Variants in CRCP observed in about 807,000 individuals in gnomAD.
CRCP encodes DNA-directed RNA polymerase III subunit RPC9.
In CRCP, 18 loss-of-function variants were observed where a neutral mutation model predicts 18.5. The ratio of observed to expected loss-of-function variants is 0.97; its 90% CI spans 0.67 to 1.44. CRCP has a LOEUF of 1.44. CRCP is among the 40% of genes most tolerant of loss of function. CRCP has a pLI of 0.00. For missense variants in CRCP, 130 were observed against 176.4 expected (o/e 0.74, Z 1.49); for synonymous variants, 53 against 62.9 (o/e 0.84, Z 0.75).
At chr7:66,131,412 G>A (rs1658251731) in intron 3 of CRCP, among the ~76,000 whole-genome samples, 2 of 152,140 alleles carry the variant, frequency 1.3e-5, no homozygotes, top group African/African-American at 4.8e-5. Context: ...ACAGCTCACT[G>A]CAGCCTCAAC....
Position 66,153,812 on chromosome 7 carries a change from G to A in CRCP, c.*1455G>A, listed in dbSNP as rs1218147976. 1 of 152,136 alleles carries A rather than the reference G, an allele frequency of 6.6e-6. No homozygotes were observed. The highest frequency in any genetic ancestry group is 1.5e-5 in the Non-Finnish European group (1 of 68,080). 9.4% of individuals were successfully genotyped at this position (152,136 alleles called of 1,614,324 possible). A position where few individuals can be genotyped will look rare whatever the true frequency, so the allele number is the denominator to read the frequency against. On this transcript the variant is annotated 3_prime_UTR_variant, in exon 6 of 6. Transcript: ENST00000395326. ...GTAGCGGCCCACACCTGTAATCCCA[G>A]CACTTTGGGAGGCGGAGGCTAGCGG...
intron 1 of CRCP, among the ~76,000 whole-genome samples, chr7:66,118,283 C>T (rs558216515): frequency 6.6e-6 from 1 of 152,264 alleles, no homozygotes; most frequent in East Asian, 1.9e-4. Flanking sequence ...GCCACCTGTT[C>T]TTGAAGGTTG....
At position 66,152,362 on chromosome 7, in the gene CRCP, G is replaced by A. The variant is rs749987614; in HGVS notation, c.*5G>A. ...GACGAAGAGGACCCAGCATAGAAGAGCACAGCTGGCCCCGGCGTTTCATGA... is the reference window on the plus strand; with the variant it reads ...GACGAAGAGGACCCAGCATAGAAGAACACAGCTGGCCCCGGCGTTTCATGA... On this transcript the variant is annotated 3_prime_UTR_variant, in exon 6 of 6. Transcript: ENST00000395326. 6.2e-7 allele frequency: 1 copy of A among 1,613,876 alleles called. No homozygotes were observed. The highest frequency in any genetic ancestry group is 1.1e-5 in the South Asian group (1 of 91,064).
At position 66,153,232 on chromosome 7, in the gene CRCP, G is replaced by A. The variant is rs777720510; in HGVS notation, c.*875G>A. The A allele has an allele frequency of 6.6e-6, 1 of 152,588 alleles. No homozygotes were observed. The highest frequency in any genetic ancestry group is 2.4e-5 in the African/African-American group (1 of 41,444). 9.5% of individuals were successfully genotyped at this position (152,588 alleles called of 1,614,324 possible). A position where few individuals can be genotyped will look rare whatever the true frequency, so the allele number is the denominator to read the frequency against. ...GCAGGCGGATCACCTGAGGTCAGGAGTTTGAGACCAGCCTCACCAACATGG... is the reference window on the plus strand; with the variant it reads ...GCAGGCGGATCACCTGAGGTCAGGAATTTGAGACCAGCCTCACCAACATGG... On this transcript the variant is annotated 3_prime_UTR_variant, in exon 6 of 6. Coordinates refer to ENST00000395326, the MANE Select transcript of CRCP (RefSeq NM_014478.5).
At chr7:66,128,501 G>A (rs540626308) in intron 2 of CRCP, among the ~76,000 whole-genome samples, 1 of 152,218 alleles carries the variant, frequency 6.6e-6, no homozygotes. Context: ...TATTTTGAAA[G>A]TGAGTTTAAG....
intron 1 of CRCP, among the ~76,000 whole-genome samples, chr7:66,123,304 G>C (rs1159951686): frequency 6.6e-6 from 1 of 151,996 alleles, no homozygotes; most frequent in Admixed American, 6.6e-5. Flanking sequence ...GTTTTGTATA[G>C]GTAAGCAGTT....
intron 5 of CRCP, among the ~76,000 whole-genome samples, chr7:66,151,673 C>CTGTGTGTGTGTGTG (rs1223890806): frequency 7.0e-4 from 97 of 138,582 alleles, no homozygotes; most frequent in South Asian, 3.3e-3. Context: ...CCACTTCTCT[C>CTGTGTGTGTGTGTG]TGTGTGTGTG....
intron 5 of CRCP, among the ~76,000 whole-genome samples, chr7:66,151,674 T>G: frequency 9.1e-4 from 1 of 1,094 alleles, no homozygotes; most frequent in South Asian, 0.042. Context: ...CACTTCTCTC[T>G]GTGTGTGTGT....
chr7:66,152,397 G>T lies in CRCP; in HGVS notation c.*40G>T. ...CCCCGGCGTTTCATGAAGTCAGAAG[G>T]CCTGGCAGCCATTTCCTGGACGTTG... is the stretch of plus-strand genomic sequence containing the variant. On this transcript the variant is annotated 3_prime_UTR_variant, in exon 6 of 6. Transcript: ENST00000395326. 6.2e-7 allele frequency: 1 copy of T among 1,608,164 alleles called. No individual in the cohort carries two copies. Among genetic ancestry groups the T allele is most frequent in the Non-Finnish European group, 8.5e-7 (1 of 1,176,744 alleles).
At chr7:66,135,441 A>G (rs1787943576) in intron 4 of CRCP, among the ~76,000 whole-genome samples, 2 of 152,222 alleles carry the variant, frequency 1.3e-5, no homozygotes, top group Admixed American at 1.3e-4. Context: ...GAATTGAAAT[A>G]TTATATTAAT....
At chr7:66,131,714 ACAT>A (rs1787809324) in intron 3 of CRCP, among the ~76,000 whole-genome samples, 1 of 152,126 alleles carries the variant, frequency 6.6e-6, no homozygotes, top group Admixed American at 6.6e-5. Context: ...AGAAAGCATC[ACAT>A]CATTGCAAAT....
At chr7:66,130,700 T>G in intron 2 of CRCP, 44 bp from the exon 3 acceptor site, 1 of 1,180,212 alleles carries the variant, frequency 8.5e-7, no homozygotes. Context: ...ATAGATATAT[T>G]TCTCAAATTT....
intron 1 of CRCP, chr7:66,119,582 T>C (rs1485719858): frequency 6.6e-6 from 1 of 152,128 alleles, no homozygotes; most frequent in African/African-American, 2.4e-5. Context: ...CTGAAATGAA[T>C]TGGATTGGAG....
chr7:66,114,895 G>A lies in CRCP; in HGVS notation c.-68G>A, dbSNP rs1787206214. The A allele has an allele frequency of 6.2e-7, 1 of 1,609,094 alleles. No individual in the cohort carries two copies. The highest frequency in any genetic ancestry group is 2.2e-5 in the East Asian group (1 of 44,678). On this transcript the variant is annotated 5_prime_UTR_variant, in exon 1 of 6. Transcript: ENST00000395326. ...CTGGCACCTTGGCGCTGTTGGTGGCGGCGGAGACAGCTGTGAAGTGTGAGG... is the reference window on the plus strand; with the variant it reads ...CTGGCACCTTGGCGCTGTTGGTGGCAGCGGAGACAGCTGTGAAGTGTGAGG...
At chr7:66,126,644 GT>G (rs1165405792) in intron 1 of CRCP, 2 of 429,730 alleles carry the variant, frequency 4.7e-6, no homozygotes, top group Non-Finnish European at 9.3e-6. Context: ...TTATGGAGAT[GT>G]TAATACAAGT....
chr7:66,145,190 T>A (rs1450874688), intron 4 of CRCP, among the ~76,000 whole-genome samples: 1 of 152,048 alleles, frequency 6.6e-6, no homozygotes, highest in Non-Finnish European at 1.5e-5. Flanking sequence ...GACCCCCCTG[T>A]TTTTAAAATG....
At chr7:66,130,888 AG>A in intron 3 of CRCP, 46 bp downstream of exon 3, 6 of 1,032,446 alleles carry the variant, frequency 5.8e-6, no homozygotes, top group Non-Finnish European at 9.0e-6. Context: ...CCATTGAGGG[AG>A]GGGGGTTTAT....
intron 1 of CRCP, among the ~76,000 whole-genome samples, chr7:66,115,391 G>C (rs1223156435): frequency 6.6e-6 from 1 of 152,184 alleles, no homozygotes. Flanking sequence ...GTAGAGCTCT[G>C]CTTGCAGCTG....
At chr7:66,125,195 A>G (rs987694022) in intron 1 of CRCP, among the ~76,000 whole-genome samples, 1 of 149,232 alleles carries the variant, frequency 6.7e-6, no homozygotes, top group Non-Finnish European at 1.5e-5. Context: ...GCGTCACATC[A>G]TTGGTGCTGT....
Sources: allele counts gnomAD v4.1 joint callset (sites outside exome capture counted in the v4.1 genomes callset), GRCh38; gene constraint gnomAD v4.1.1; transcripts MANE v1.5; gene names NCBI Gene and HGNC (gene_info 2026-07-23, HGNC 2026-07-21).